FRMD4A: variants seen among roughly 807,000 people sequenced by gnomAD.
The protein encoded by FRMD4A is FERM domain containing 4A, also known as FERM domain-containing protein 4A.
FRMD4A carries 29 observed loss-of-function variants against 129.1 expected under a neutral mutation model. The ratio of observed to expected loss-of-function variants is 0.22; its 90% CI spans 0.17 to 0.31. The LOEUF (loss-of-function observed/expected upper bound fraction) is 0.31. FRMD4A is among the 10% of genes least tolerant of loss of function. FRMD4A has a pLI of 1.00. For missense variants in FRMD4A, 1,272 were observed against 1,375.8 expected (o/e 0.92, Z 1.19); for synonymous variants, 634 against 571.6 (o/e 1.11, Z -1.56).
chr10:13,752,277 G>C (rs1371493159), intron 8 of FRMD4A, among the ~76,000 whole-genome samples: 7 of 152,182 alleles, frequency 4.6e-5, no homozygotes, highest in Non-Finnish European at 1.0e-4. Flanking sequence ...AGGAAAGTTA[G>C]AATGATCTAC....
At chr10:14,329,213 T>C (rs1843411667) in intron 2 of FRMD4A, among the ~76,000 whole-genome samples, 1 of 152,198 alleles carries the variant, frequency 6.6e-6, no homozygotes, top group Admixed American at 6.5e-5. Context: ...CCTGTGTAAA[T>C]GCTGGAAACA....
At chr10:14,040,146 C>T (rs1203088778) in intron 2 of FRMD4A, among the ~76,000 whole-genome samples, 1 of 152,216 alleles carries the variant, frequency 6.6e-6, no homozygotes, top group East Asian at 1.9e-4. Context: ...CTCAGAGTCA[C>T]ACAGCCAGTC....
intron 2 of FRMD4A, among the ~76,000 whole-genome samples, chr10:14,073,804 G>A (rs1835429630): frequency 6.6e-6 from 1 of 152,074 alleles, no homozygotes; most frequent in Non-Finnish European, 1.5e-5. Context: ...GTATAAATTG[G>A]GTCACCAAAA....
chr10:14,298,819 T>C (rs1442488291), intron 2 of FRMD4A, among the ~76,000 whole-genome samples: 1 of 151,598 alleles, frequency 6.6e-6, no homozygotes, highest in Non-Finnish European at 1.5e-5. Context: ...GAGCAATGAG[T>C]AGGGGAGGAG....
chr10:14,130,733 C>G lies in FRMD4A; in HGVS notation c.45+199325G>C, dbSNP rs1564323246. Among the ~76,000 whole-genome samples the G allele has an allele frequency of 2.0e-5, 3 of 152,188 alleles. 1 individual carries two copies. The highest frequency in any genetic ancestry group is 2.0e-4 in the Admixed American group (3 of 15,276). On this transcript the variant is annotated intron_variant, in intron 2 of 24. Coordinates refer to ENST00000357447, the MANE Select transcript of FRMD4A (RefSeq NM_018027.5). Reference sequence around the variant, plus strand: ...CTGTACATAAGCCGTACAAGCTAAGCATAGGCATTGCTCCCTATCTGCGTG... The same window carrying G: ...CTGTACATAAGCCGTACAAGCTAAGGATAGGCATTGCTCCCTATCTGCGTG...
intron 2 of FRMD4A, among the ~76,000 whole-genome samples, chr10:14,214,291 C>T (rs2131960971): frequency 6.6e-6 from 1 of 152,296 alleles, no homozygotes; most frequent in South Asian, 2.1e-4. Flanking sequence ...GCCCTGAACA[C>T]AGATCTTCAA....
intron 15 of FRMD4A, among the ~76,000 whole-genome samples, chr10:13,679,458 A>AAT (rs1554838332): frequency 0.011 from 275 of 24,548 alleles, 11 homozygotes; most frequent in Non-Finnish European, 0.015. Flanking sequence ...AAAAAAAAAA[A>AAT]AAATATATAT....
chr10:14,226,427 C>T (rs1257077691), intron 2 of FRMD4A, among the ~76,000 whole-genome samples: 2 of 152,198 alleles, frequency 1.3e-5, no homozygotes, highest in Non-Finnish European at 1.5e-5. Flanking sequence ...TATTTTGTGC[C>T]TGTTCCAGAG....
intron 2 of FRMD4A, among the ~76,000 whole-genome samples, chr10:14,172,515 C>T (rs758566012): frequency 1.7e-4 from 26 of 152,166 alleles, no homozygotes; most frequent in Non-Finnish European, 3.1e-4. Context: ...TCGAAGTCTA[C>T]GAGAGTTGTA....
intron 2 of FRMD4A, among the ~76,000 whole-genome samples, chr10:13,915,071 C>T (rs1473832455): frequency 6.6e-6 from 1 of 152,168 alleles, no homozygotes; most frequent in Non-Finnish European, 1.5e-5. Context: ...AGTGTTCTCA[C>T]TGGGAGTTAA....
intron 2 of FRMD4A, among the ~76,000 whole-genome samples, chr10:14,266,563 CAG>C (rs1437699393): frequency 1.1e-4 from 17 of 151,440 alleles, no homozygotes; most frequent in African/African-American, 3.9e-4. Flanking sequence ...CACAAACACT[CAG>C]AAAAACATAA....
At chr10:13,785,799 A>G (rs572668756) in intron 5 of FRMD4A, among the ~76,000 whole-genome samples, 5 of 146,440 alleles carry the variant, frequency 3.4e-5, no homozygotes, top group East Asian at 2.1e-4. Context: ...AGGCCCCAGT[A>G]TGTGATGTTC....
At position 14,282,319 on chromosome 10, in the gene FRMD4A, T is replaced by C. The variant is rs1281168423; in HGVS notation, c.45+47739A>G. ...AAAGGTACTGGGGCTTGATTTAGGC[T>C]CTGATCTAGACCAAGAAGTTTCACA... On this transcript the variant is annotated intron_variant, in intron 2 of 24. Coordinates refer to ENST00000357447, the MANE Select transcript of FRMD4A (RefSeq NM_018027.5). 2.0e-5 allele frequency among the ~76,000 whole-genome samples: 3 copies of C among 152,168 alleles called. No individual in the cohort carries two copies. In the East Asian group the frequency reaches 5.8e-4, roughly 29 times the overall value.
chr10:13,789,537 A>T lies in FRMD4A; in HGVS notation c.300-6531T>A, dbSNP rs2092943499. Among the ~76,000 whole-genome samples the T allele has an allele frequency of 2.7e-5, 4 of 149,148 alleles. No homozygotes were observed. In the South Asian group the frequency reaches 8.7e-4, roughly 32 times the overall value. The stretch of plus-strand genomic sequence containing the variant: ...GACATGTAGGCTTCATTCTGAGCAC[A>T]AAGTTGTGCCTATGAAAAGACCACA... On this transcript the variant is annotated intron_variant, in intron 5 of 24. Transcript: ENST00000357447.
At chr10:13,693,643 T>C in intron 15 of FRMD4A, 2 of 653,926 alleles carry the variant, frequency 3.1e-6, no homozygotes, top group South Asian at 3.4e-5. Flanking sequence ...GACACTTAAG[T>C]GTGACCAGCA....
rs147457518 is a variant in FRMD4A at position 13,700,710 on chromosome 10, C to G, written c.975+630G>C. Among the ~76,000 whole-genome samples the G allele has an allele frequency of 4.5e-4, 69 of 151,988 alleles. No homozygotes were observed. In the Middle Eastern group the frequency reaches 0.01, roughly 22 times the overall value. ...AAGGAGACGTCATCCTCTCACCCAC[C>G]AGAAAACGCAGCTGCGTGCCCAGAG... On this transcript the variant is annotated intron_variant, in intron 14 of 24. Transcript: ENST00000357447.
chr10:13,950,953 A>G (rs747685342), intron 2 of FRMD4A, among the ~76,000 whole-genome samples: 9 of 152,174 alleles, frequency 5.9e-5, no homozygotes, highest in Non-Finnish European at 1.2e-4. Context: ...AAAAATACTG[A>G]GATTCGAAGG....
chr10:14,139,071 T>A (rs1351498989), intron 2 of FRMD4A, among the ~76,000 whole-genome samples: 2 of 152,242 alleles, frequency 1.3e-5, no homozygotes. Context: ...GTGGCAAGTA[T>A]CTGTGTCCTA....
rs2082326169 is a variant in FRMD4A at position 13,658,099 on chromosome 10, A to G, written c.2067-577T>C. ...AGCTATGATCAAACCACTGCACTCC[A>G]GCCTGGGCAACAGGGCAAGACCCTG... On this transcript the variant is annotated intron_variant, in intron 21 of 24. Coordinates refer to ENST00000357447, the MANE Select transcript of FRMD4A (RefSeq NM_018027.5). Among the ~76,000 whole-genome samples the G allele has an allele frequency of 2.7e-5, 4 of 146,804 alleles. No homozygotes were observed. The South Asian group carries it at 8.9e-4, about 33-fold the overall frequency.
Sources: allele counts gnomAD v4.1 joint callset (sites outside exome capture counted in the v4.1 genomes callset), GRCh38; gene constraint gnomAD v4.1.1; transcripts MANE v1.5; gene names NCBI Gene and HGNC (gene_info 2026-07-23, HGNC 2026-07-21).